The following ANKRD36 variants were observed in gnomAD, a reference collection of about 807,000 sequenced individuals.
ANKRD36 encodes ankyrin repeat domain-containing protein 36A.
Under a neutral mutation model 278.1 loss-of-function variants are expected in ANKRD36, and 179 were observed. The ratio of observed to expected loss-of-function variants is 0.64; its 90% CI spans 0.57 to 0.73. ANKRD36 has a LOEUF of 0.73. ANKRD36 is among the 30% of genes least tolerant of loss of function. The pLI, the probability that ANKRD36 is intolerant of heterozygous loss-of-function variation, is 0.00. For missense variants in ANKRD36, 1,159 were observed against 1,956.7 expected (o/e 0.59, Z 7.69); for synonymous variants, 320 against 641.1 (o/e 0.50, Z 7.57).
At chr2:97,198,751 G>T (rs2060496838) in intron 44 of ANKRD36, 93 bp downstream of exon 44, 3 of 1,296,566 alleles carry the variant, frequency 2.3e-6, no homozygotes, top group African/African-American at 1.5e-5. Flanking sequence ...CGTTGAAGCT[G>T]CACATTCTGA....
intron 42 of ANKRD36, among the ~76,000 whole-genome samples, chr2:97,197,656 A>C (rs924252199): frequency 1.3e-5 from 2 of 151,954 alleles, no homozygotes; most frequent in African/African-American, 4.8e-5. Context: ...ATTAACTCCT[A>C]AACTGGTCAT....
At chr2:97,125,938 C>G (rs955897145) in intron 5 of ANKRD36, among the ~76,000 whole-genome samples, 1 of 149,756 alleles carries the variant, frequency 6.7e-6, no homozygotes, top group African/African-American at 2.5e-5. Flanking sequence ...TGGAACAATA[C>G]GGAGAAAATT....
At chr2:97,192,912 G>C (rs201955598) in intron 37 of ANKRD36, 26 bp downstream of exon 37, 1 of 1,601,316 alleles carries the variant, frequency 6.2e-7, no homozygotes. Flanking sequence ...TTTATATTGT[G>C]AATGAGTTAA....
chr2:97,136,101 C>T (rs2041431684), intron 6 of ANKRD36, among the ~76,000 whole-genome samples: 1 of 150,594 alleles, frequency 6.6e-6, no homozygotes, highest in Non-Finnish European at 1.5e-5. Context: ...CAGCCCCACC[C>T]CTCACCTCCT....
chr2:97,228,383 G>A (rs2070695410), intron 67 of ANKRD36, among the ~76,000 whole-genome samples: 1 of 152,100 alleles, frequency 6.6e-6, no homozygotes, highest in African/African-American at 2.4e-5. Context: ...ATGTGTCCAG[G>A]AATTTATGCA....
At chr2:97,197,489 G>A (rs1575688225) in intron 42 of ANKRD36, among the ~76,000 whole-genome samples, 2 of 152,026 alleles carry the variant, frequency 1.3e-5, no homozygotes, top group South Asian at 4.2e-4. Flanking sequence ...GTTGATTTTA[G>A]TTATAGAAAT....
intron 67 of ANKRD36, among the ~76,000 whole-genome samples, chr2:97,225,582 ATG>A (rs2069193245): frequency 6.6e-6 from 1 of 152,116 alleles, no homozygotes. Context: ...TCATATTACA[ATG>A]TGTAATTTGC....
At chr2:97,227,960 C>G (rs1412776443) in intron 67 of ANKRD36, among the ~76,000 whole-genome samples, 36 of 152,208 alleles carry the variant, frequency 2.4e-4, no homozygotes, top group African/African-American at 7.5e-4. Flanking sequence ...GTATATTGAA[C>G]CAGCCTTGCA....
chr2:97,185,241 C>G (rs2153553803), intron 28 of ANKRD36, 75 bp from the exon 29 acceptor site: 2 of 1,550,844 alleles, frequency 1.3e-6, no homozygotes, highest in East Asian at 2.3e-5. Context: ...CAGCTTGATG[C>G]TAACACTTCA....
At chr2:97,226,587 CTG>C (rs1332047319) in intron 67 of ANKRD36, among the ~76,000 whole-genome samples, 2 of 151,964 alleles carry the variant, frequency 1.3e-5, no homozygotes, top group Non-Finnish European at 2.9e-5. Flanking sequence ...CCTGTTCACT[CTG>C]ATGGTAGTTT....
At chr2:97,186,445 A>G (rs189183467) in intron 30 of ANKRD36, among the ~76,000 whole-genome samples, 3,134 of 150,550 alleles carry the variant, frequency 0.021, 67 homozygotes, top group Middle Eastern at 0.041. Flanking sequence ...TTAATATCCA[A>G]TGCTTTTAGC....
rs1264527694 is a variant in ANKRD36, at chr2:97,258,998, A to C, written c.*7-5331A>C. Among the ~76,000 whole-genome samples the C allele has an allele frequency of 6.5e-4, 94 of 144,702 alleles. 3 individuals are homozygous for C. The highest frequency in any genetic ancestry group is 1.3e-3 in the Non-Finnish European group (86 of 67,064). 94.9% of individuals were successfully genotyped at this position (144,702 alleles called of 152,430 possible). On this transcript the variant is annotated intron_variant, in intron 75 of 75. Coordinates refer to ENST00000420699, the MANE Select transcript of ANKRD36 (RefSeq NM_001354587.1). Reference sequence around the variant, plus strand: ...CTTCTCCTTCAGAAACTGTTATTATATGAAAGTTGGGTTGTTTGATTGAGT... The same window carrying C: ...CTTCTCCTTCAGAAACTGTTATTATCTGAAAGTTGGGTTGTTTGATTGAGT...
At chr2:97,115,790 C>G (rs1457740859) in intron 1 of ANKRD36, among the ~76,000 whole-genome samples, 1 of 151,370 alleles carries the variant, frequency 6.6e-6, no homozygotes, top group Non-Finnish European at 1.5e-5. Flanking sequence ...CCCATCAATT[C>G]CATTATACTA....
intron 17 of ANKRD36, 102 bp downstream of exon 17, chr2:97,158,757 A>G: frequency 8.4e-7 from 1 of 1,197,212 alleles, no homozygotes; most frequent in Non-Finnish European, 1.1e-6. Context: ...TTACAATGGT[A>G]AATTGTTTTA....
chr2:97,175,439 G>C (rs559187356), intron 22 of ANKRD36, among the ~76,000 whole-genome samples: 15 of 151,908 alleles, frequency 9.9e-5, no homozygotes, highest in Non-Finnish European at 2.1e-4. Flanking sequence ...ATTCTCTGAT[G>C]GTAGTTTATT....
At chr2:97,211,925 C>G (rs1474593645) in intron 58 of ANKRD36, among the ~76,000 whole-genome samples, 184 bp downstream of exon 58, 3 of 151,806 alleles carry the variant, frequency 2.0e-5, no homozygotes, top group Non-Finnish European at 4.4e-5. Flanking sequence ...GATGGAAGTA[C>G]TAAGATTATA....
chr2:97,124,570 A>G lies in ANKRD36; in HGVS notation c.704A>G (p.Asp235Gly). The G allele has an allele frequency of 6.4e-7, 1 of 1,552,830 alleles. No individual in the cohort carries two copies. Among genetic ancestry groups the G allele is most frequent in the Non-Finnish European group, 8.7e-7 (1 of 1,147,266 alleles). Residue 235 changes from aspartate (D) to glycine (G), a missense_variant, in exon 5 of 76, where the codon GAT becomes GGT. Transcript: ENST00000420699. ...SRDAFRKIAGDYAIEAKNRVI... is the reference protein window; with the variant it reads ...SRDAFRKIAGGYAIEAKNRVI... ...GATGCGTTTCGAAAGATTGCAGGAG[A>G]TTATGCCATTGAGGCTAAGAATAGA...
chr2:97,195,969 C>A (rs1212195741), intron 40 of ANKRD36, among the ~76,000 whole-genome samples: 2 of 151,966 alleles, frequency 1.3e-5, no homozygotes, highest in African/African-American at 4.8e-5. Flanking sequence ...GAAGGCTAAA[C>A]TAGTGGATAC....
chr2:97,189,334 G>A lies in ANKRD36; in HGVS notation c.2245+44G>A, dbSNP rs193058613. 3.8e-6 allele frequency: 2 copies of A among 529,686 alleles called. 1 individual carries two copies. The highest frequency in any genetic ancestry group is 2.9e-5 in the South Asian group (2 of 69,100). The allele number at this position is 529,686 out of a possible 1,614,324, so 32.8% of individuals were successfully genotyped here. A position where few individuals can be genotyped will look rare whatever the true frequency, so the allele number is the denominator to read the frequency against. Reference sequence around the variant, plus strand: ...TTCAATGTCATGTTCAATCCAGATAGAAAAGAACTTCTCTACCCCGAATAA... The same window carrying A: ...TTCAATGTCATGTTCAATCCAGATAAAAAAGAACTTCTCTACCCCGAATAA... On this transcript the variant is annotated intron_variant, in intron 34 of 75. Coordinates refer to ENST00000420699, the MANE Select transcript of ANKRD36 (RefSeq NM_001354587.1).
Sources: allele counts gnomAD v4.1 joint callset (sites outside exome capture counted in the v4.1 genomes callset), GRCh38; gene constraint gnomAD v4.1.1; transcripts MANE v1.5; gene names NCBI Gene and HGNC (gene_info 2026-07-23, HGNC 2026-07-21).